The following SUPT5H variants were observed in gnomAD, a reference collection of about 807,000 sequenced individuals.
SUPT5H encodes the protein transcription elongation factor SPT5.
Under a neutral mutation model 142.5 loss-of-function variants are expected in SUPT5H, and 24 were observed. That is an observed-to-expected ratio of 0.17 (90% CI 0.12 to 0.24). The LOEUF (loss-of-function observed/expected upper bound fraction) is 0.24. SUPT5H is among the 10% of genes least tolerant of loss of function. The pLI is 1.00. For synonymous variants in SUPT5H, 546 were observed against 553.0 expected, an observed-to-expected ratio of 0.99 and a Z score of 0.18; for missense variants, 893 against 1,471.8, an observed-to-expected ratio of 0.61 and a Z score of 6.43.
At chr19:39,448,050 C>T (rs766632780) in intron 2 of SUPT5H, among the ~76,000 whole-genome samples, 2 of 152,180 alleles carry the variant, frequency 1.3e-5, no homozygotes, top group Admixed American at 1.3e-4. Flanking sequence ...GCAGAGCAGC[C>T]GTTTGCTTGA....
intron 10 of SUPT5H, among the ~76,000 whole-genome samples, chr19:39,462,252 A>G (rs2079172830): frequency 6.6e-6 from 1 of 152,042 alleles, no homozygotes; most frequent in East Asian, 1.9e-4. Flanking sequence ...TGGATTTTAT[A>G]TATTGTAGTG....
At chr19:39,454,554 A>C (rs1600700032) in intron 3 of SUPT5H, among the ~76,000 whole-genome samples, 1 of 151,496 alleles carries the variant, frequency 6.6e-6, no homozygotes, top group Non-Finnish European at 1.5e-5. Flanking sequence ...CTGTGTTAGG[A>C]TGGTCTCGAA....
Position 39,470,176 on chromosome 19 carries a change from G to T in SUPT5H, c.1432G>T (p.Val478Leu). The change falls in exon 17 of 30, where the codon GTG (valine) becomes TTG (leucine). Residue 478 changes from valine to leucine, a missense_variant. Physicochemically the swap from Val to Leu is conservative, Grantham distance 32. Transcript: ENST00000432763. This position sits in a 1 kb window ranked among gnomAD's most constrained non-coding sequence, Gnocchi z 5.8. ...LRKYFKMGDH[V>L]KVIAGRFEGD... Reference sequence around the variant, plus strand: ...AAAATACTTCAAGATGGGGGACCACGTGAAGGTGATTGCTGGCCGATTCGA... The same window carrying T: ...AAAATACTTCAAGATGGGGGACCACTTGAAGGTGATTGCTGGCCGATTCGA... The T allele has an allele frequency of 6.2e-7, 1 of 1,612,656 alleles. No homozygotes were observed.
rs987995455 is a variant in SUPT5H at position 39,467,025 on chromosome 19, A to G, written c.1037+280A>G. 6 of 357,682 alleles carry G rather than the reference A, an allele frequency of 1.7e-5. No individual in the cohort carries two copies. The Admixed American group carries it at 2.6e-4, about 15-fold the overall frequency. The allele number at this position is 357,682 out of a possible 1,614,324, so 22.2% of individuals were successfully genotyped here. ...AGTTCGAGACCAGCCTGGGCAACAT[A>G]ATGAGATCCCATCTTTTAAAATAAT... On this transcript the variant is annotated intron_variant, in intron 13 of 29. Coordinates refer to ENST00000432763, the MANE Select transcript of SUPT5H (RefSeq NM_001111020.3).
At chr19:39,450,416 C>A (rs2079006650) in intron 2 of SUPT5H, among the ~76,000 whole-genome samples, 1 of 152,186 alleles carries the variant, frequency 6.6e-6, no homozygotes, top group Admixed American at 6.5e-5. Flanking sequence ...GCTGGGATTA[C>A]AGGCGCATGC....
At position 39,472,493 on chromosome 19, in the gene SUPT5H, G is replaced by A. The variant is rs2079335092; in HGVS notation, c.2035G>A (p.Gly679Ser). The A allele has an allele frequency of 1.2e-6, 2 of 1,613,820 alleles. No individual in the cohort carries two copies. The highest frequency in any genetic ancestry group is 2.2e-5 in the East Asian group (1 of 44,904). ...CAGCCCCATGCACCCCAGTGCTGGA[G>A]GTGAGAGGGGTTCAGGGTCAGGGGA... is the stretch of plus-strand genomic sequence containing the variant. ...ISSPMHPSAG[G>S]QRGGFGSPGG... The change falls in exon 21 of 30, where the codon GGT becomes AGT. Residue 679 changes from glycine (G) to serine (S), a missense_variant and splice_region_variant. Gly to Ser is a moderately conservative substitution (Grantham distance 56, BLOSUM62 0). Coordinates refer to ENST00000432763, the MANE Select transcript of SUPT5H (RefSeq NM_001111020.3). This position sits in a 1 kb window ranked among gnomAD's most constrained non-coding sequence, Gnocchi z 4.2.
chr19:39,446,493 T>A (rs908119992), intron 2 of SUPT5H, among the ~76,000 whole-genome samples: 28 of 152,210 alleles, frequency 1.8e-4, no homozygotes, highest in Admixed American at 1.4e-3. Flanking sequence ...AGGGGTGACA[T>A]TTGAGCAAAA....
chr19:39,450,526 G>A (rs2079008166), intron 2 of SUPT5H, among the ~76,000 whole-genome samples: 1 of 152,216 alleles, frequency 6.6e-6, no homozygotes, highest in Admixed American at 6.5e-5. Context: ...GTGCAGCTGA[G>A]GCCTAGTGTT....
chr19:39,456,416 G>T (rs61348498), intron 3 of SUPT5H, among the ~76,000 whole-genome samples: 86,857 of 146,034 alleles, frequency 0.59, 26,605 homozygotes, highest in African/African-American at 0.74. Context: ...TTTTGTTGTT[G>T]TTGTTGTTGT....
chr19:39,468,511 A>G, intron 13 of SUPT5H: 1 of 549,806 alleles, frequency 1.8e-6, no homozygotes, highest in South Asian at 2.2e-5. Context: ...GTCAAACACT[A>G]GATTGTCAGA....
At chr19:39,459,328 C>T (rs150375852) in intron 8 of SUPT5H, 79 bp downstream of exon 8, 225 of 1,513,314 alleles carry the variant, frequency 1.5e-4, no homozygotes, top group Admixed American at 3.3e-4. Flanking sequence ...AGGTGGCTCC[C>T]TGAAATAAGT....
At chr19:39,446,482 G>A (rs2078955831) in intron 2 of SUPT5H, among the ~76,000 whole-genome samples, 1 of 152,228 alleles carries the variant, frequency 6.6e-6, no homozygotes, top group Non-Finnish European at 1.5e-5. Context: ...GCATGAGTCT[G>A]AGGGGTGACA....
intron 10 of SUPT5H, among the ~76,000 whole-genome samples, chr19:39,463,927 G>T (rs1395405709): frequency 6.6e-6 from 1 of 150,782 alleles, no homozygotes; most frequent in African/African-American, 2.4e-5. Flanking sequence ...AGCAATTTTT[G>T]TCTTAAAGTA....
rs201633600 is a variant in SUPT5H at position 39,474,490 on chromosome 19, A to G, written c.2821-25A>G. ...CGGCCAGGCCAGATGACTATTCCCA[A>G]TGACACTTCCTCTTTCCCCTGCAGG... On this transcript the variant is annotated intron_variant, in intron 27 of 29. Coordinates refer to ENST00000432763, the MANE Select transcript of SUPT5H (RefSeq NM_001111020.3). This position sits in a 1 kb window ranked among gnomAD's most constrained non-coding sequence, Gnocchi z 6.5. The G allele has an allele frequency of 1.4e-3, 2,279 of 1,612,924 alleles. 3 individuals are homozygous for G. Among genetic ancestry groups the G allele is most frequent in the Non-Finnish European group, 1.8e-3 (2,115 of 1,179,386 alleles).
rs2079362820 is a variant in SUPT5H at position 39,473,931 on chromosome 19, C to T, written c.2493-32C>T. The T allele has an allele frequency of 2.5e-6, 4 of 1,613,522 alleles. No individual in the cohort carries two copies. Among genetic ancestry groups the T allele is most frequent in the African/African-American group, 1.3e-5 (1 of 74,892 alleles). On this transcript the variant is annotated intron_variant, in intron 25 of 29. Transcript: ENST00000432763. This position sits in a 1 kb window ranked among gnomAD's most constrained non-coding sequence, Gnocchi z 5.8. ...GGAAGCATCCATCGCATTATCACCA[C>T]AGTCGCTGTCAACAGACTTTTCTCC...
chr19:39,461,313 C>T (rs1439644384), intron 10 of SUPT5H, among the ~76,000 whole-genome samples: 1 of 151,520 alleles, frequency 6.6e-6, no homozygotes, highest in East Asian at 2.0e-4. Flanking sequence ...GGTGGAATGT[C>T]TTCCTCATTA....
Position 39,452,762 on chromosome 19 carries a change from G to C in SUPT5H, c.76-594G>C, listed in dbSNP as rs568218086. On this transcript the variant is annotated intron_variant, in intron 2 of 29. Coordinates refer to ENST00000432763, the MANE Select transcript of SUPT5H (RefSeq NM_001111020.3). ...GCTGTGGCTCACACCTGTAATCCCA[G>C]CATTTTCGGAGGCAGAGGCGGATGG... Among the ~76,000 whole-genome samples the C allele has an allele frequency of 2.0e-5, 3 of 152,240 alleles. No homozygotes were observed. In the South Asian group the frequency reaches 6.2e-4, roughly 32 times the overall value.
Position 39,466,864 on chromosome 19 carries a change from C to A in SUPT5H, c.1037+119C>A. ...CAGGTTTAGCCTGTGAATTGGTTAG[C>A]TTGGCAGTATAGCCTCAGGCAAGTC... On this transcript the variant is annotated intron_variant, in intron 13 of 29. Transcript: ENST00000432763. This position sits in a 1 kb window ranked among gnomAD's most constrained non-coding sequence, Gnocchi z 4.3. 2.1e-6 allele frequency: 2 copies of A among 947,462 alleles called. No homozygotes were observed. The highest frequency in any genetic ancestry group is 1.7e-6 in the Non-Finnish European group (1 of 590,848). 58.7% of individuals were successfully genotyped at this position (947,462 alleles called of 1,614,324 possible). A position where few individuals can be genotyped will look rare whatever the true frequency, so the allele number is the denominator to read the frequency against.
rs377667083 is a variant in SUPT5H, at chr19:39,472,126, T to C, written c.1951-283T>C. On this transcript the variant is annotated intron_variant, in intron 20 of 29. Transcript: ENST00000432763. This position sits in a 1 kb window ranked among gnomAD's most constrained non-coding sequence, Gnocchi z 4.2. The stretch of plus-strand genomic sequence containing the variant: ...ACAGGGAGTGACCAGGGCTGCTGTT[T>C]TAGACAGAGGAGGGTAAAAAAGGCC... 3.3e-5 allele frequency among the ~76,000 whole-genome samples: 5 copies of C among 152,080 alleles called. No individual in the cohort carries two copies. Among genetic ancestry groups the C allele is most frequent in the Non-Finnish European group, 7.4e-5 (5 of 68,026 alleles).
Sources: gnomAD v4.1 joint callset for allele counts (sites outside exome capture counted in the v4.1 genomes callset) on GRCh38, gnomAD v4.1.1 for gene constraint, Gnocchi (gnomAD v3.1) non-coding constraint, MANE v1.5 for transcripts, NCBI Gene and HGNC (gene_info 2026-07-23, HGNC 2026-07-21) for gene names.